PPP2R3B: variants seen among roughly 807,000 people sequenced by gnomAD.
PPP2R3B encodes the protein protein phosphatase 2 regulatory subunit B''beta, also known as serine/threonine-protein phosphatase 2A regulatory subunit B'' subunit beta.
Under a neutral mutation model 72.9 loss-of-function variants are expected in PPP2R3B, and 68 were observed. That is an observed-to-expected ratio of 0.93 (90% CI 0.77 to 1.14). The LOEUF (loss-of-function observed/expected upper bound fraction) is 1.14, where lower values mean the gene tolerates loss of function less well. Ranked by LOEUF, PPP2R3B falls within the 50% of genes most tolerant of loss-of-function variation. The pLI is 0.00. For synonymous variants in PPP2R3B, 466 were observed against 375.8 expected (o/e 1.24, Z -2.78); for missense variants, 1,018 against 842.0 (o/e 1.21, Z -2.59).
intron 1 of PPP2R3B, among the ~76,000 whole-genome samples, chrX:379,153 A>G (rs866433937): frequency 7.1e-6 from 1 of 139,880 alleles, no homozygotes; most frequent in African/African-American, 2.7e-5. Flanking sequence ...GTATGCACCT[A>G]TGTGTGCATG....
intron 8 of PPP2R3B, 172 bp from the exon 9 acceptor site, chrX:341,568 G>T: frequency 1.4e-6 from 1 of 720,922 alleles, no homozygotes. Flanking sequence ...AGGCCCCGTG[G>T]CCAGAGGGTT....
At chrX:372,447 A>T (rs1475424840) in intron 1 of PPP2R3B, among the ~76,000 whole-genome samples, 3 of 152,190 alleles carry the variant, frequency 2.0e-5, no homozygotes, top group African/African-American at 7.2e-5. Context: ...CTGATGTGCC[A>T]CGTGGGTGTG....
chrX:379,652 G>C (rs2072082230), intron 1 of PPP2R3B, among the ~76,000 whole-genome samples: 2 of 152,256 alleles, frequency 1.3e-5, no homozygotes, highest in Admixed American at 1.3e-4. Flanking sequence ...ACTTAATCAA[G>C]GAGGTGCAAG....
At chrX:336,235 A>G (rs192667079) in intron 12 of PPP2R3B, 1 of 152,364 alleles carries the variant, frequency 6.6e-6, no homozygotes, top group African/African-American at 2.4e-5. Context: ...AGGATAACAC[A>G]TGACTCGGCA....
At chrX:375,029 TCCACACCACCTCTGACG>T (rs1172945423) in intron 1 of PPP2R3B, among the ~76,000 whole-genome samples, 1 of 151,992 alleles carries the variant, frequency 6.6e-6, no homozygotes, top group African/African-American at 2.4e-5. Flanking sequence ...CCTGCAACCT[TCCACACCACCTCTGACG>T]CCCACCACAG....
At chrX:334,851 C>T (rs1438546285) in intron 12 of PPP2R3B, 1 of 290,170 alleles carries the variant, frequency 3.4e-6, no homozygotes, top group African/African-American at 2.2e-5. Context: ...GTCGTGGTGT[C>T]CACACAGGAC....
intron 1 of PPP2R3B, among the ~76,000 whole-genome samples, chrX:368,660 T>C (rs1221238244): frequency 1.4e-5 from 1 of 73,132 alleles, no homozygotes; most frequent in Non-Finnish European, 2.6e-5. Context: ...CCACCCACCC[T>C]GGGCACCGAC....
At position 386,536 on chromosome X, in the gene PPP2R3B, C is replaced by G; in HGVS notation, c.156G>C (p.Gly52=). 1 of 1,429,712 alleles carries G rather than the reference C, an allele frequency of 7.0e-7. No homozygotes were observed. The highest frequency in any genetic ancestry group is 3.2e-5 in the East Asian group (1 of 31,708). 88.6% of individuals were successfully genotyped at this position (1,429,712 alleles called of 1,614,324 possible). Residue 52 remains glycine, a synonymous_variant, in exon 1 of 13, where the codon GGG becomes GGC. Transcript: ENST00000390665. ...CTGTGGGCCAGGCCCCGGGCTGCTC[C>G]CCGTCCCCCGGGGTCGGCTGGTCCC... ...PGRDQPTPGD[G]EQPGAWPTAP...
intron 2 of PPP2R3B, among the ~76,000 whole-genome samples, chrX:360,655 C>T (rs1268112528): frequency 4.6e-5 from 7 of 152,136 alleles, no homozygotes; most frequent in Admixed American, 6.5e-5. Flanking sequence ...TACCGTGCAC[C>T]GAGGCTCTGG....
chrX:378,227 C>T (rs2072042108), intron 1 of PPP2R3B, among the ~76,000 whole-genome samples: 2 of 152,236 alleles, frequency 1.3e-5, no homozygotes, highest in South Asian at 4.1e-4. Flanking sequence ...CGAATCTCCA[C>T]CGTCCCTCTG....
chrX:358,996 G>C (rs1329905736), intron 2 of PPP2R3B, among the ~76,000 whole-genome samples: 6 of 152,008 alleles, frequency 3.9e-5, no homozygotes, highest in Admixed American at 3.9e-4. Flanking sequence ...GCCGGGGAGG[G>C]GCATCGTGGC....
At chrX:347,456 C>G (rs1212760205) in intron 3 of PPP2R3B, 120 bp from the exon 4 acceptor site, 4 of 1,340,498 alleles carry the variant, frequency 3.0e-6, no homozygotes, top group African/African-American at 2.9e-5. Flanking sequence ...CCACACACGA[C>G]GGCCAGGCCT....
intron 1 of PPP2R3B, among the ~76,000 whole-genome samples, chrX:380,929 G>A (rs1183570730): frequency 2.0e-5 from 3 of 150,748 alleles, no homozygotes; most frequent in East Asian, 1.9e-4. Context: ...CGATACTGGC[G>A]TTTTCTTTCT....
chrX:366,820 A>G lies in PPP2R3B; in HGVS notation c.325-5230T>C, dbSNP rs1473727524. ...AGAGGTTGCAGTGAGCTGAGATCGC[A>G]CTACTGCACTCCAGCCTGGGCGACA... On this transcript the variant is annotated intron_variant, in intron 1 of 12. Coordinates refer to ENST00000390665, the MANE Select transcript of PPP2R3B (RefSeq NM_013239.5). 3.7e-4 allele frequency among the ~76,000 whole-genome samples: 48 copies of G among 128,560 alleles called. 1 individual carries two copies. Among genetic ancestry groups the G allele is most frequent in the African/African-American group, 1.5e-3 (47 of 31,574 alleles). 84.3% of individuals were successfully genotyped at this position (128,560 alleles called of 152,430 possible). A position where few individuals can be genotyped will look rare whatever the true frequency, so the allele number is the denominator to read the frequency against.
chrX:338,900 C>A lies in PPP2R3B; in HGVS notation c.1352-4G>T, dbSNP rs6655399. 3.7e-6 allele frequency: 6 copies of A among 1,611,442 alleles called. No individual in the cohort carries two copies. In the African/African-American group the frequency reaches 4.0e-5, roughly 11 times the overall value. On this transcript the variant is annotated splice_polypyrimidine_tract_variant and splice_region_variant and intron_variant, in intron 10 of 12. Coordinates refer to ENST00000390665, the MANE Select transcript of PPP2R3B (RefSeq NM_013239.5). ...AGGTCCTGCAGCGTGATCTTCCCTG[C>A]GGGGAGGGGAGTGCGTCCAAGGCGC...
intron 10 of PPP2R3B, among the ~76,000 whole-genome samples, chrX:340,176 GGGGC>G (rs1432145506): frequency 0.028 from 177 of 6,372 alleles, 69 homozygotes; most frequent in South Asian, 0.12. Flanking sequence ...GGAGACGGGG[GGGGC>G]GGGGTGAGAG....
At chrX:382,141 C>T (rs1469329816) in intron 1 of PPP2R3B, among the ~76,000 whole-genome samples, 1 of 152,040 alleles carries the variant, frequency 6.6e-6, no homozygotes, top group Non-Finnish European at 1.5e-5. Context: ...TTCTGCTTCT[C>T]CGGTCAGACC....
intron 1 of PPP2R3B, among the ~76,000 whole-genome samples, chrX:364,284 C>G (rs1490461924): frequency 6.6e-6 from 1 of 152,266 alleles, no homozygotes; most frequent in Non-Finnish European, 1.5e-5. Flanking sequence ...CTGGTACGAG[C>G]TGGGCAGGGG....
At chrX:373,107 G>A (rs187932302) in intron 1 of PPP2R3B, among the ~76,000 whole-genome samples, 151 of 152,172 alleles carry the variant, frequency 9.9e-4, no homozygotes, top group Admixed American at 3.5e-3. Context: ...CTTTACGAAG[G>A]GTGAAGGAGT....
Sources: gnomAD v4.1 joint callset for allele counts (sites outside exome capture counted in the v4.1 genomes callset) on GRCh38, gnomAD v4.1.1 for gene constraint, MANE v1.5 for transcripts, NCBI Gene and HGNC (gene_info 2026-07-23, HGNC 2026-07-21) for gene names.